Variants in RELL1 observed in about 807,000 individuals in gnomAD.
RELL1 encodes the protein RELT-like protein 1.
RELL1 carries 10 observed loss-of-function variants against 23.0 expected under a neutral mutation model. The ratio of observed to expected loss-of-function variants is 0.43; its 90% CI spans 0.27 to 0.74. The LOEUF (loss-of-function observed/expected upper bound fraction) is 0.74. Ranked by LOEUF, RELL1 falls within the 30% of genes least tolerant of loss-of-function variation. The pLI, the probability that RELL1 is intolerant of heterozygous loss-of-function variation, is 0.19. For missense variants in RELL1, 315 were observed against 364.4 expected, an observed-to-expected ratio of 0.86 and a Z score of 1.10; for synonymous variants, 146 against 146.8, an observed-to-expected ratio of 0.99 and a Z score of 0.04.
At chr4:37,633,725 C>T (rs114336709) in intron 5 of RELL1, among the ~76,000 whole-genome samples, 2 of 152,124 alleles carry the variant, frequency 1.3e-5, no homozygotes, top group Non-Finnish European at 2.9e-5. Flanking sequence ...TGCGTAAGTA[C>T]CCAAAGCTGG....
At chr4:37,635,605 G>T (rs1284875583) in intron 4 of RELL1, among the ~76,000 whole-genome samples, 2 of 152,120 alleles carry the variant, frequency 1.3e-5, no homozygotes, top group African/African-American at 4.8e-5. Context: ...CAGCCTGGAT[G>T]ACAGAGTGAG....
At chr4:37,597,872 G>A (rs879727604) in intron 6 of RELL1, among the ~76,000 whole-genome samples, 9 of 151,814 alleles carry the variant, frequency 5.9e-5, no homozygotes, top group Non-Finnish European at 1.0e-4. Flanking sequence ...CCAAAATGGC[G>A]AAACCCTGTC....
chr4:37,611,927 G>T lies in RELL1; in HGVS notation c.*1419C>A, dbSNP rs1719397115. Among the ~76,000 whole-genome samples, 1 of 151,826 alleles carries T rather than the reference G, an allele frequency of 6.6e-6. No individual in the cohort carries two copies. The highest frequency in any genetic ancestry group is 2.4e-5 in the African/African-American group (1 of 41,338). The stretch of plus-strand genomic sequence containing the variant: ...GCAGTGGCTCAAGCCTGTAATCCCA[G>T]AACTTTGGGAGGCCGAGGCGGGTGG... On this transcript the variant is annotated 3_prime_UTR_variant, in exon 7 of 7. Coordinates refer to ENST00000454158, the MANE Select transcript of RELL1 (RefSeq NM_001085400.2).
intron 5 of RELL1, 79 bp downstream of exon 5, chr4:37,634,808 C>T: frequency 8.4e-7 from 1 of 1,184,998 alleles, no homozygotes; most frequent in Non-Finnish European, 1.3e-6. Context: ...ACATATTCTA[C>T]ATCTGACAGG....
chr4:37,660,960 G>A (rs1721328634), intron 1 of RELL1, among the ~76,000 whole-genome samples: 1 of 151,934 alleles, frequency 6.6e-6, no homozygotes, highest in Non-Finnish European at 1.5e-5. Context: ...GAACCCGGGA[G>A]GCGGAGCTTG....
At chr4:37,660,076 T>TTTCA (rs1553875264) in intron 1 of RELL1, among the ~76,000 whole-genome samples, 3 of 151,888 alleles carry the variant, frequency 2.0e-5, no homozygotes, top group Admixed American at 6.6e-5. Context: ...ACACACCCAT[T>TTTCA]TTTATTTATT....
intron 1 of RELL1, among the ~76,000 whole-genome samples, chr4:37,649,927 G>A (rs1040672667): frequency 6.6e-6 from 1 of 152,160 alleles, no homozygotes; most frequent in Non-Finnish European, 1.5e-5. Context: ...GTGATTAAGA[G>A]CATGGCCTCA....
chr4:37,649,465 C>T lies in RELL1; in HGVS notation c.124G>A (p.Glu42Lys). 1 of 1,614,074 alleles carries T rather than the reference C, an allele frequency of 6.2e-7. No individual in the cohort carries two copies. Among genetic ancestry groups the T allele is most frequent in the Non-Finnish European group, 8.5e-7 (1 of 1,179,950 alleles). The change falls in exon 2 of 7, where the codon GAG becomes AAG. Residue 42 changes from glutamate to lysine, a missense_variant. By Grantham distance (56) the Glu-to-Lys change is moderately conservative (BLOSUM62 1). Coordinates refer to ENST00000454158, the MANE Select transcript of RELL1 (RefSeq NM_001085400.2). ...GSSRTLHSRT[E>K]TTPSPSNDTG... The stretch of plus-strand genomic sequence containing the variant: ...TCGTTGCTGGGCGACGGGGTCGTCT[C>T]TGTTCTGGAGTGCAATGTGCGGCTG...
chr4:37,618,494 T>A (rs143253677), intron 6 of RELL1, among the ~76,000 whole-genome samples: 73 of 152,246 alleles, frequency 4.8e-4, no homozygotes, highest in Middle Eastern at 3.4e-3. Context: ...AGCCTCAGCC[T>A]CCCGAACTGC....
intron 6 of RELL1, among the ~76,000 whole-genome samples, chr4:37,618,444 C>T (rs1002069344): frequency 1.3e-5 from 2 of 151,882 alleles, no homozygotes; most frequent in South Asian, 2.1e-4. Context: ...CACTATGTTG[C>T]CCAGGCTGAT....
At chr4:37,661,126 C>G (rs1012570480) in intron 1 of RELL1, among the ~76,000 whole-genome samples, 1 of 152,030 alleles carries the variant, frequency 6.6e-6, no homozygotes, top group Non-Finnish European at 1.5e-5. Context: ...GAATCTGTAA[C>G]TAGTCCACCT....
chr4:37,641,571 C>A (rs1720532601), intron 3 of RELL1, among the ~76,000 whole-genome samples: 1 of 152,198 alleles, frequency 6.6e-6, no homozygotes, highest in Non-Finnish European at 1.5e-5. Context: ...CCTTTCCCCA[C>A]CTTCCCCAAA....
At chr4:37,604,962 CACAT>C (rs1303198125) in intron 6 of RELL1, among the ~76,000 whole-genome samples, 5 of 151,130 alleles carry the variant, frequency 3.3e-5, no homozygotes, top group South Asian at 2.1e-4. Flanking sequence ...CAGAGACACA[CACAT>C]ACACACAGTA....
chr4:37,610,523 A>T (rs1478256453), downstream of RELL1, among the ~76,000 whole-genome samples: 1 of 152,188 alleles, frequency 6.6e-6, no homozygotes, highest in Non-Finnish European at 1.5e-5. The surrounding 1 kb of genome is among the most constrained non-coding windows in gnomAD (Gnocchi z 4.1). Context: ...TGATATTTCA[A>T]GACACAAGAA....
chr4:37,614,336 A>C (rs1375421049), intron 6 of RELL1, among the ~76,000 whole-genome samples: 6 of 152,182 alleles, frequency 3.9e-5, no homozygotes, highest in Non-Finnish European at 7.3e-5. Flanking sequence ...ATTCAAAGAG[A>C]ATAGAGACAG....
chr4:37,596,145 C>T (rs373503232), intron 6 of RELL1, among the ~76,000 whole-genome samples: 8 of 152,156 alleles, frequency 5.3e-5, no homozygotes, highest in African/African-American at 9.7e-5. Context: ...GGGTGAAATC[C>T]GGCTGTGCCT....
At chr4:37,609,146 C>T (rs2939732), downstream of RELL1, among the ~76,000 whole-genome samples, 48,460 of 152,114 alleles carry the variant, frequency 0.32, 8,257 homozygotes, top group Non-Finnish European at 0.39. Flanking sequence ...CTCAAAAGCA[C>T]AGGCTCTCAT....
At chr4:37,654,083 CAATATT>C (rs1267420741) in intron 1 of RELL1, among the ~76,000 whole-genome samples, 1 of 152,116 alleles carries the variant, frequency 6.6e-6, no homozygotes, top group Non-Finnish European at 1.5e-5. Context: ...GAAGATTAAA[CAATATT>C]AATATGTAAA....
intron 6 of RELL1, among the ~76,000 whole-genome samples, chr4:37,622,035 C>T (rs1053291607): frequency 5.3e-5 from 8 of 152,184 alleles, no homozygotes; most frequent in African/African-American, 1.9e-4. Context: ...CTCCCAACAA[C>T]TGAGGACAAA....
Sources: gnomAD v4.1 joint callset for allele counts (sites outside exome capture counted in the v4.1 genomes callset) on GRCh38, gnomAD v4.1.1 for gene constraint, Gnocchi (gnomAD v3.1) non-coding constraint, MANE v1.5 for transcripts, NCBI Gene and HGNC (gene_info 2026-07-23, HGNC 2026-07-21) for gene names.